EXOC8: variants seen among roughly 807,000 people sequenced by gnomAD.
EXOC8 encodes exocyst complex component 8.
Under a neutral mutation model 50.8 loss-of-function variants are expected in EXOC8, and 19 were observed. The observed-to-expected ratio is 0.37, with a 90% CI of 0.26 to 0.55. The LOEUF (loss-of-function observed/expected upper bound fraction) is 0.55. Among genes scored for constraint, EXOC8 ranks in the 20% least tolerant of loss-of-function variants. The pLI, the probability that EXOC8 is intolerant of heterozygous loss-of-function variation, is 0.80. For synonymous variants in EXOC8, 384 were observed against 367.9 expected, an observed-to-expected ratio of 1.04 and a Z score of -0.50; for missense variants, 781 against 915.8, an observed-to-expected ratio of 0.85 and a Z score of 1.90.
In EXOC8 at chr1:231,336,115, T is replaced by C; in HGVS notation, c.1631A>G (p.His544Arg). ...TTGGATGTCTTTCACCAGAAGGGCA[T>C]GGATGATGAAGGTGAGATCCAGTCC... ...DIGLDLTFII[H>R]ALLVKDIQGA... Residue 544 changes from histidine to arginine, a missense_variant, in exon 1 of 1, where the codon CAT (histidine) becomes CGT (arginine). Coordinates refer to ENST00000366645, the MANE Select transcript of EXOC8 (RefSeq NM_175876.5). The surrounding 1 kb of genome is among the most constrained non-coding windows in gnomAD (Gnocchi z 5.4). 3 of 1,614,204 alleles carry C rather than the reference T, an allele frequency of 1.9e-6. No individual in the cohort carries two copies. Among genetic ancestry groups the C allele is most frequent in the Non-Finnish European group, 2.5e-6 (3 of 1,180,040 alleles).
In EXOC8 at chr1:231,334,929, C is replaced by G. The variant is rs1050800942; in HGVS notation, c.*639G>C. ...TACGGCACTGTACCCTTTAGGAAAC[C>G]TAACATTTCAGTGAACTGGGAAACT... On this transcript the variant is annotated 3_prime_UTR_variant, in exon 1 of 1. Coordinates refer to ENST00000366645, the MANE Select transcript of EXOC8 (RefSeq NM_175876.5). The G allele has an allele frequency of 6.6e-6, 1 of 151,966 alleles. No individual in the cohort carries two copies. Among genetic ancestry groups the G allele is most frequent in the Admixed American group, 6.6e-5 (1 of 15,258 alleles). 9.4% of individuals were successfully genotyped at this position (151,966 alleles called of 1,614,324 possible). A position where few individuals can be genotyped will look rare whatever the true frequency, so the allele number is the denominator to read the frequency against.
Position 231,336,350 on chromosome 1 carries a change from T to G in EXOC8, c.1396A>C (p.Ser466Arg), listed in dbSNP as rs1686673689. The change falls in exon 1 of 1, where the codon AGC becomes CGC. Residue 466 changes from serine (S) to arginine (R), a missense_variant. Transcript: ENST00000366645. The surrounding 1 kb of genome is among the most constrained non-coding windows in gnomAD (Gnocchi z 5.4). ...AATTCTCTTGCAGTCTCGAGAAGGCTGGTAAAGAAGACATGGCACAGCTTA... is the reference window on the plus strand; with the variant it reads ...AATTCTCTTGCAGTCTCGAGAAGGCGGGTAAAGAAGACATGGCACAGCTTA... ...IHKLCHVFFT[S>R]LLETAREFEI... 3.7e-6 allele frequency: 6 copies of G among 1,613,958 alleles called. No homozygotes were observed. Among genetic ancestry groups the G allele is most frequent in the Middle Eastern group, 1.6e-4 (1 of 6,084 alleles).
Position 231,333,208 on chromosome 1 carries a change from A to G in EXOC8, c.*2360T>C, listed in dbSNP as rs1686599683. On this transcript the variant is annotated 3_prime_UTR_variant, in exon 1 of 1. Coordinates refer to ENST00000366645, the MANE Select transcript of EXOC8 (RefSeq NM_175876.5). Reference sequence around the variant, plus strand: ...ACTTGTCTTGGGTCTAATAAAACAGAAGAATTAGAGAAGAAAGCCCATGCC... The same window carrying G: ...ACTTGTCTTGGGTCTAATAAAACAGGAGAATTAGAGAAGAAAGCCCATGCC... 1 of 152,224 alleles carries G rather than the reference A, an allele frequency of 6.6e-6. No individual in the cohort carries two copies. The highest frequency in any genetic ancestry group is 2.1e-4 in the South Asian group (1 of 4,838). The allele number at this position is 152,224 out of a possible 1,614,324, so 9.4% of individuals were successfully genotyped here. A position where few individuals can be genotyped will look rare whatever the true frequency, so the allele number is the denominator to read the frequency against.
In EXOC8 at chr1:231,335,577, T is replaced by C; in HGVS notation, c.2169A>G (p.Ser723=). Residue 723 remains serine (S), a synonymous_variant, in exon 1 of 1, where the codon TCA becomes TCG. Coordinates refer to ENST00000366645, the MANE Select transcript of EXOC8 (RefSeq NM_175876.5). ...TAAACAGACCCAAGCATTAGACCAC[T>C]GATGTTGTACTTTCAGGATTCACAC... The part of the protein sequence containing the change: ...LIRVNPESTT[S]VV 6.2e-7 allele frequency: 1 copy of C among 1,608,098 alleles called. No homozygotes were observed. Among genetic ancestry groups the C allele is most frequent in the Non-Finnish European group, 8.5e-7 (1 of 1,177,222 alleles).
Position 231,335,359 on chromosome 1 carries a change from T to C in EXOC8, c.*209A>G, listed in dbSNP as rs548630586. 2 of 396,142 alleles carry C rather than the reference T, an allele frequency of 5.0e-6. No homozygotes were observed. The highest frequency in any genetic ancestry group is 6.8e-4 in the Middle Eastern group (1 of 1,466). 24.5% of individuals were successfully genotyped at this position (396,142 alleles called of 1,614,324 possible). A position where few individuals can be genotyped will look rare whatever the true frequency, so the allele number is the denominator to read the frequency against. On this transcript the variant is annotated 3_prime_UTR_variant, in exon 1 of 1. Transcript: ENST00000366645. ...GCATAATTTAAAAGGATAGCTAGCA[T>C]ACTATACGTTTTAATAATTCCAGTA...
In EXOC8 at chr1:231,336,255, C is replaced by G; in HGVS notation, c.1491G>C (p.Met497Ile). The change falls in exon 1 of 1, where the codon ATG becomes ATC. Residue 497 changes from methionine to isoleucine, a missense_variant. Around this residue, in one of 3 missense-constraint regions of EXOC8, gnomAD observed 700 missense variants for 804.1 expected, o/e 0.87. Transcript: ENST00000366645. The surrounding 1 kb of genome is among the most constrained non-coding windows in gnomAD (Gnocchi z 5.4). ...SAFVVWARSAMGMFVDAFSKQ... is the reference protein window; with the variant it reads ...SAFVVWARSAIGMFVDAFSKQ... ...TGCTAAAAGCATCCACGAACATGCC[C>G]ATGGCTGATCTTGCCCAGACCACAA... 6.2e-7 allele frequency: 1 copy of G among 1,614,076 alleles called. No individual in the cohort carries two copies. The highest frequency in any genetic ancestry group is 8.5e-7 in the Non-Finnish European group (1 of 1,180,036).
chr1:231,336,456 T>C lies in EXOC8; in HGVS notation c.1290A>G (p.Leu430=), dbSNP rs770749673. Reference sequence around the variant, plus strand: ...CAGCGGCTGCCCTGTTTCTCAAAAATAGCTCACAGGCCTTCGTGCACTGGC... The same window carrying C: ...CAGCGGCTGCCCTGTTTCTCAAAAACAGCTCACAGGCCTTCGTGCACTGGC... The part of the protein sequence containing the change: ...RLGQCTKACE[L]FLRNRAAAVH... Residue 430 remains leucine (L), a synonymous_variant, in exon 1 of 1, where the codon CTA becomes CTG. Transcript: ENST00000366645. The surrounding 1 kb of genome is among the most constrained non-coding windows in gnomAD (Gnocchi z 5.4). 2.2e-5 allele frequency: 36 copies of C among 1,613,696 alleles called. No individual in the cohort carries two copies. The highest frequency in any genetic ancestry group is 2.9e-5 in the Non-Finnish European group (34 of 1,179,962).
In EXOC8 at chr1:231,337,440, C is replaced by T; in HGVS notation, c.306G>A (p.Pro102=). Residue 102 remains proline, a synonymous_variant, in exon 1 of 1, where the codon CCG becomes CCA. Coordinates refer to ENST00000366645, the MANE Select transcript of EXOC8 (RefSeq NM_175876.5). The surrounding 1 kb of genome is among the most constrained non-coding windows in gnomAD (Gnocchi z 5.9). ...CAGCAGCGGCAGGCAGCAACGTAAG[C>T]GGGATGCTCTCCAGGCTGCTTTTCT... is the stretch of plus-strand genomic sequence containing the variant. ...TEQKSSLESI[P]LTLLPAAAAA... is the part of the protein sequence containing the mutation. 6.2e-7 allele frequency: 1 copy of T among 1,610,382 alleles called. No homozygotes were observed.
chr1:231,337,148 G>C lies in EXOC8; in HGVS notation c.598C>G (p.Leu200Val). ...VEYDADHMAQLQRVHGFLMND... is the reference protein window; with the variant it reads ...VEYDADHMAQVQRVHGFLMND... ...ATGAGAAAGCCGTGCACCCGCTGCAGTTGGGCCATGTGGTCCGCATCGTAT... is the reference window on the plus strand; with the variant it reads ...ATGAGAAAGCCGTGCACCCGCTGCACTTGGGCCATGTGGTCCGCATCGTAT... Residue 200 changes from leucine to valine, a missense_variant, in exon 1 of 1, where the codon CTG becomes GTG. By Grantham distance (32) the Leu-to-Val change is conservative. This residue lies in a region of EXOC8 where 700 missense variants were observed against 804.1 expected (regional missense o/e 0.87). Transcript: ENST00000366645. This position sits in a 1 kb window ranked among gnomAD's most constrained non-coding sequence, Gnocchi z 5.9. The C allele has an allele frequency of 6.2e-7, 1 of 1,614,184 alleles. No homozygotes were observed. Among genetic ancestry groups the C allele is most frequent in the Non-Finnish European group, 8.5e-7 (1 of 1,180,038 alleles).
chr1:231,337,419 A>G lies in EXOC8; in HGVS notation c.327T>C (p.Ala109=), dbSNP rs1026553307. ...AGGCGGCGGCGGCTCCGGCGGCAGC[A>G]GCGGCAGGCAGCAACGTAAGCGGGA... ...ESIPLTLLPA[A]AAAGAAAASG... is the part of the protein sequence containing the mutation. Residue 109 remains alanine (A), a synonymous_variant, in exon 1 of 1, where the codon GCT becomes GCC. Coordinates refer to ENST00000366645, the MANE Select transcript of EXOC8 (RefSeq NM_175876.5). This position sits in a 1 kb window ranked among gnomAD's most constrained non-coding sequence, Gnocchi z 5.9. 1.2e-6 allele frequency: 2 copies of G among 1,606,728 alleles called. No homozygotes were observed. The highest frequency in any genetic ancestry group is 3.3e-5 in the Admixed American group (2 of 59,940).
At position 231,335,993 on chromosome 1, in the gene EXOC8, C is replaced by A. The variant is rs1686663720; in HGVS notation, c.1753G>T (p.Ala585Ser). The change falls in exon 1 of 1, where the codon GCC becomes TCC. Residue 585 changes from alanine (A) to serine (S), a missense_variant. By Grantham distance (99) the Ala-to-Ser change is moderately conservative. Transcript: ENST00000366645. The part of the protein sequence containing the change: ...WRRMNLMTPE[A>S]LGKLKEEMKS... ...ATCTCTTCTTTGAGCTTACCCAGGG[C>A]TTCTGGCGTCATCAAGTTCATCCTC... 1.2e-6 allele frequency: 2 copies of A among 1,614,198 alleles called. No individual in the cohort carries two copies. Among genetic ancestry groups the A allele is most frequent in the Non-Finnish European group, 1.7e-6 (2 of 1,180,034 alleles).
chr1:231,336,557 C>T lies in EXOC8; in HGVS notation c.1189G>A (p.Glu397Lys), dbSNP rs1366563567. 2 of 1,614,060 alleles carry T rather than the reference C, an allele frequency of 1.2e-6. No homozygotes were observed. Among genetic ancestry groups the T allele is most frequent in the South Asian group, 1.1e-5 (1 of 91,078 alleles). The change falls in exon 1 of 1, where the codon GAA becomes AAA. Residue 397 changes from glutamate (E) to lysine (K), a missense_variant. By Grantham distance (56) the Glu-to-Lys change is moderately conservative. This residue lies in a region of EXOC8 where 700 missense variants were observed against 804.1 expected (regional missense o/e 0.87). Coordinates refer to ENST00000366645, the MANE Select transcript of EXOC8 (RefSeq NM_175876.5). The surrounding 1 kb of genome is among the most constrained non-coding windows in gnomAD (Gnocchi z 5.4). ...VRQLTEVLVF[E>K]LSPDRSLRGG... Reference sequence around the variant, plus strand: ...CTCAGGGAACGATCTGGGGAGAGTTCGAAAACTAGCACCTCAGTGAGCTGT... The same window carrying T: ...CTCAGGGAACGATCTGGGGAGAGTTTGAAAACTAGCACCTCAGTGAGCTGT...
rs1311267848 is a variant in EXOC8, at chr1:231,337,621, T to C, written c.125A>G (p.Gln42Arg). 2 of 1,611,648 alleles carry C rather than the reference T, an allele frequency of 1.2e-6. No homozygotes were observed. Among genetic ancestry groups the C allele is most frequent in the Non-Finnish European group, 1.7e-6 (2 of 1,180,000 alleles). Residue 42 changes from glutamine to arginine, a missense_variant, in exon 1 of 1, where the codon CAG becomes CGG. Physicochemically the swap from Gln to Arg is conservative, Grantham distance 43 (BLOSUM62 1). This residue lies in a region of EXOC8 where 700 missense variants were observed against 804.1 expected (regional missense o/e 0.87). Coordinates refer to ENST00000366645, the MANE Select transcript of EXOC8 (RefSeq NM_175876.5). This position sits in a 1 kb window ranked among gnomAD's most constrained non-coding sequence, Gnocchi z 5.9. ...CGCCTGGATGCGCTGCCGGTGCTCC[T>C]GGAGGTCCCGGTCCCCATCCGACTG... ...SQQSDGDRDL[Q>R]EHRQRIQALA...
rs1043246125 is a variant in EXOC8, at chr1:231,336,842, G to A, written c.904C>T (p.Pro302Ser). 1 of 1,614,042 alleles carries A rather than the reference G, an allele frequency of 6.2e-7. No homozygotes were observed. ...QEEAAAPRGP[P>S]QVTSKATNPF... Reference sequence around the variant, plus strand: ...TTAGTGGCCTTGGAAGTCACTTGGGGTGGCCCTCGAGGGGCCGCTGCCTCC... The same window carrying A: ...TTAGTGGCCTTGGAAGTCACTTGGGATGGCCCTCGAGGGGCCGCTGCCTCC... The change falls in exon 1 of 1, where the codon CCC becomes TCC. Residue 302 changes from proline to serine, a missense_variant. By Grantham distance (74) the Pro-to-Ser change is moderately conservative. This residue lies in a region of EXOC8 where 700 missense variants were observed against 804.1 expected (regional missense o/e 0.87). Transcript: ENST00000366645. This position sits in a 1 kb window ranked among gnomAD's most constrained non-coding sequence, Gnocchi z 5.4.
Position 231,337,756 on chromosome 1 carries a change from G to T in EXOC8, c.-11C>A, listed in dbSNP as rs745460006. On this transcript the variant is annotated 5_prime_UTR_variant, in exon 1 of 1. Coordinates refer to ENST00000366645, the MANE Select transcript of EXOC8 (RefSeq NM_175876.5). The surrounding 1 kb of genome is among the most constrained non-coding windows in gnomAD (Gnocchi z 5.9). ...CATCGCCATCGCCATTTCTCTCCGG[G>T]TCTCACGCACTCACTGTCACTATCG... is the stretch of plus-strand genomic sequence containing the variant. 1 of 1,586,784 alleles carries T rather than the reference G, an allele frequency of 6.3e-7. No homozygotes were observed. The highest frequency in any genetic ancestry group is 8.6e-7 in the Non-Finnish European group (1 of 1,167,094).
rs1571984084 is a variant in EXOC8 at position 231,336,522 on chromosome 1, C to T, written c.1224G>A (p.Pro408=). The change falls in exon 1 of 1, where the codon CCG becomes CCA. Residue 408 remains proline, a synonymous_variant. Transcript: ENST00000366645. The surrounding 1 kb of genome is among the most constrained non-coding windows in gnomAD (Gnocchi z 5.4). ...GCGAAACTGCTCTGCGAGTAGCCTTCGGACCACCTCTCAGGGAACGATCTG... is the reference window on the plus strand; with the variant it reads ...GCGAAACTGCTCTGCGAGTAGCCTTTGGACCACCTCTCAGGGAACGATCTG... ...LSPDRSLRGG[P]KATRRAVSQL... 3 of 1,614,028 alleles carry T rather than the reference C, an allele frequency of 1.9e-6. No homozygotes were observed. Among genetic ancestry groups the T allele is most frequent in the Non-Finnish European group, 2.5e-6 (3 of 1,179,992 alleles).
chr1:231,337,771 T>G lies in EXOC8; in HGVS notation c.-26A>C. On this transcript the variant is annotated 5_prime_UTR_variant, in exon 1 of 1. Coordinates refer to ENST00000366645, the MANE Select transcript of EXOC8 (RefSeq NM_175876.5). This position sits in a 1 kb window ranked among gnomAD's most constrained non-coding sequence, Gnocchi z 5.9. ...TTCTCTCCGGGTCTCACGCACTCAC[T>G]GTCACTATCGGCGCCGCAGCCGCCG... 6.4e-7 allele frequency: 1 copy of G among 1,558,470 alleles called. No individual in the cohort carries two copies. Among genetic ancestry groups the G allele is most frequent in the Non-Finnish European group, 8.7e-7 (1 of 1,154,062 alleles).
chr1:231,337,190 T>G lies in EXOC8; in HGVS notation c.556A>C (p.Asn186His). 3 of 1,614,096 alleles carry G rather than the reference T, an allele frequency of 1.9e-6. No homozygotes were observed. Among genetic ancestry groups the G allele is most frequent in the Non-Finnish European group, 2.5e-6 (3 of 1,180,022 alleles). The change falls in exon 1 of 1, where the codon AAT becomes CAT. Residue 186 changes from asparagine (N) to histidine (H), a missense_variant. Physicochemically the swap from Asn to His is moderately conservative, Grantham distance 68 (BLOSUM62 1). Around this residue, in one of 3 missense-constraint regions of EXOC8, gnomAD observed 700 missense variants for 804.1 expected, o/e 0.87. Coordinates refer to ENST00000366645, the MANE Select transcript of EXOC8 (RefSeq NM_175876.5). The surrounding 1 kb of genome is among the most constrained non-coding windows in gnomAD (Gnocchi z 5.9). The stretch of plus-strand genomic sequence containing the variant: ...GCATCGTATTCCACTAGGTCCCCAT[T>G]GTACACCAAGTACTGTCCCGGCGTC... ...LETPGQYLVY[N>H]GDLVEYDADH...
At position 231,336,797 on chromosome 1, in the gene EXOC8, C is replaced by T; in HGVS notation, c.949G>A (p.Glu317Lys). 1 of 1,614,212 alleles carries T rather than the reference C, an allele frequency of 6.2e-7. No homozygotes were observed. The highest frequency in any genetic ancestry group is 8.5e-7 in the Non-Finnish European group (1 of 1,180,036). The part of the protein sequence containing the change: ...KATNPFEDDE[E>K]EEPAVPEVEE... The stretch of plus-strand genomic sequence containing the variant: ...ACCTCAGGAACAGCTGGTTCTTCTT[C>T]TTCGTCATCCTCAAATGGGTTAGTG... The change falls in exon 1 of 1, where the codon GAA (glutamate) becomes AAA (lysine). Residue 317 changes from glutamate (E) to lysine (K), a missense_variant. Glu to Lys is a moderately conservative substitution (Grantham distance 56). This residue lies in a region of EXOC8 where 700 missense variants were observed against 804.1 expected (regional missense o/e 0.87). Coordinates refer to ENST00000366645, the MANE Select transcript of EXOC8 (RefSeq NM_175876.5). This position sits in a 1 kb window ranked among gnomAD's most constrained non-coding sequence, Gnocchi z 5.4.
Sources: gnomAD v4.1 joint callset for allele counts on GRCh38, gnomAD v4.1.1 for gene constraint, gnomAD v4.1.1 regional missense constraint, Gnocchi (gnomAD v3.1) non-coding constraint, MANE v1.5 for transcripts, NCBI Gene and HGNC (gene_info 2026-07-23, HGNC 2026-07-21) for gene names.